The following ETV5 variants were observed in gnomAD, a reference collection of about 807,000 sequenced individuals.
The protein encoded by ETV5 is ETS translocation variant 5.
A neutral mutation model predicts 70.0 loss-of-function variants in ETV5; 10 were observed. The ratio of observed to expected loss-of-function variants is 0.14; its 90% CI spans 0.09 to 0.24. The LOEUF is 0.24. ETV5 is among the 10% of genes least tolerant of loss of function. The pLI, the probability that ETV5 is intolerant of heterozygous loss-of-function variation, is 1.00. For missense variants in ETV5, 453 were observed against 651.2 expected (o/e 0.70, Z 3.31); for synonymous variants, 216 against 242.2 (o/e 0.89, Z 1.01).
intron 5 of ETV5, among the ~76,000 whole-genome samples, chr3:186,094,087 G>C (rs556744692): frequency 7.9e-5 from 12 of 152,336 alleles, no homozygotes; most frequent in African/African-American, 2.9e-4. Flanking sequence ...TACTGGTCTT[G>C]TCCTTTCTTC....
chr3:186,079,292 C>T, intron 7 of ETV5: 1 of 230,528 alleles, frequency 4.3e-6, no homozygotes, highest in Non-Finnish European at 8.5e-6. Flanking sequence ...TAAAAACCAC[C>T]TGCAGTGTAA....
intron 5 of ETV5, among the ~76,000 whole-genome samples, chr3:186,096,041 G>T (rs1714295747): frequency 6.6e-6 from 1 of 152,174 alleles, no homozygotes; most frequent in Non-Finnish European, 1.5e-5. Context: ...GTTTCAATAG[G>T]CATAAAAATG....
At chr3:186,108,430 A>AC (rs1560059233) in intron 1 of ETV5, 2 of 1,044,986 alleles carry the variant, frequency 1.9e-6, no homozygotes, top group Non-Finnish European at 2.6e-6. Flanking sequence ...TTCCTGGTCG[A>AC]CCCCCGCCCC....
rs959086466 is a variant in ETV5, at chr3:186,046,387, C to T, written c.*2252G>A. The stretch of plus-strand genomic sequence containing the variant: ...ATAACGCAGCTTGGCAGGATGCATA[C>T]GGCCCTGCGCAGGGGAAAGTATTTC... On this transcript the variant is annotated 3_prime_UTR_variant, in exon 13 of 13. Transcript: ENST00000306376. 11 of 226,792 alleles carry T rather than the reference C, an allele frequency of 4.9e-5. No individual in the cohort carries two copies. Among genetic ancestry groups the T allele is most frequent in the Middle Eastern group, 1.3e-3 (1 of 764 alleles). The allele number at this position is 226,792 out of a possible 1,614,324, so 14.0% of individuals were successfully genotyped here. A position where few individuals can be genotyped will look rare whatever the true frequency, so the allele number is the denominator to read the frequency against.
chr3:186,099,208 TCTAA>T (rs1363123900), intron 5 of ETV5, among the ~76,000 whole-genome samples: 1 of 152,190 alleles, frequency 6.6e-6, no homozygotes, highest in Non-Finnish European at 1.5e-5. Context: ...ACATACACAC[TCTAA>T]CTAGTGCCGG....
At chr3:186,091,360 T>C (rs1714178929) in intron 5 of ETV5, among the ~76,000 whole-genome samples, 1 of 152,232 alleles carries the variant, frequency 6.6e-6, no homozygotes, top group South Asian at 2.1e-4. Context: ...ATTTGTCATA[T>C]GTCTCGGCAA....
At position 186,054,832 on chromosome 3, in the gene ETV5, C is replaced by T. The variant is rs116813310; in HGVS notation, c.1209+2243G>A. Among the ~76,000 whole-genome samples, 615 of 152,314 alleles carry T rather than the reference C, an allele frequency of 4.0e-3. 2 individuals carry two copies. The highest frequency in any genetic ancestry group is 7.4e-3 in the Non-Finnish European group (501 of 68,016). On this transcript the variant is annotated intron_variant, in intron 11 of 12. Transcript: ENST00000306376. This position sits in a 1 kb window ranked among gnomAD's most constrained non-coding sequence, Gnocchi z 4.4. The stretch of plus-strand genomic sequence containing the variant: ...GGGGTGGGGGGAGCTCAGCAAATGT[C>T]ACCTGTCCTGAGGCTAACGTGCACA...
At chr3:186,098,985 A>T (rs1028496542) in intron 5 of ETV5, among the ~76,000 whole-genome samples, 7 of 152,136 alleles carry the variant, frequency 4.6e-5, no homozygotes, top group African/African-American at 1.7e-4. Flanking sequence ...TGGCCTTTTA[A>T]TAACTAGATC....
chr3:186,051,899 T>C, intron 12 of ETV5, 131 bp downstream of exon 12: 2 of 754,410 alleles, frequency 2.7e-6, no homozygotes, highest in Non-Finnish European at 4.4e-6. Context: ...CTCAAGATTG[T>C]TTCCTACCAC....
intron 5 of ETV5, among the ~76,000 whole-genome samples, chr3:186,100,978 A>G (rs1196704601): frequency 6.6e-6 from 1 of 152,238 alleles, no homozygotes; most frequent in Non-Finnish European, 1.5e-5. Context: ...TTAAGTACCC[A>G]GTCAGTTCAG....
In ETV5 at chr3:186,065,893, C is replaced by G. The variant is rs373036001; in HGVS notation, c.830G>C (p.Gly277Ala). 2 of 1,613,838 alleles carry G rather than the reference C, an allele frequency of 1.2e-6. No homozygotes were observed. Among genetic ancestry groups the G allele is most frequent in the East Asian group, 2.2e-5 (1 of 44,860 alleles). The change falls in exon 8 of 13, where the codon GGC becomes GCC. Residue 277 changes from glycine (G) to alanine (A), a missense_variant. By Grantham distance (60) the Gly-to-Ala change is moderately conservative (BLOSUM62 0). This residue lies in a region of ETV5 where 307 missense variants were observed against 344.9 expected (regional missense o/e 0.89). Transcript: ENST00000306376. ...HDPLYEHGVP[G>A]MPGPPAHGFQ... Reference sequence around the variant, plus strand: ...CCCGTGTGCTGGGGGCCCTGGCATGCCCGGGACCCCATGTTCATAGAGTGG... The same window carrying G: ...CCCGTGTGCTGGGGGCCCTGGCATGGCCGGGACCCCATGTTCATAGAGTGG...
intron 5 of ETV5, among the ~76,000 whole-genome samples, chr3:186,097,956 A>G (rs1021820172): frequency 1.3e-5 from 2 of 152,222 alleles, no homozygotes; most frequent in Non-Finnish European, 2.9e-5. Context: ...TGCTCCATTC[A>G]GGCAAGAGGG....
At chr3:186,097,056 G>T (rs1714322116) in intron 5 of ETV5, among the ~76,000 whole-genome samples, 1 of 152,190 alleles carries the variant, frequency 6.6e-6, no homozygotes, top group Non-Finnish European at 1.5e-5. Context: ...ATGCTATTTT[G>T]AGGCACGTGC....
At chr3:186,086,840 G>A (rs1289122901) in intron 5 of ETV5, among the ~76,000 whole-genome samples, 1 of 151,640 alleles carries the variant, frequency 6.6e-6, no homozygotes, top group Admixed American at 6.6e-5. Flanking sequence ...GGACTGTGGT[G>A]TGCACCTGGG....
At chr3:186,049,833 G>A (rs1332150820) in intron 12 of ETV5, among the ~76,000 whole-genome samples, 2 of 152,104 alleles carry the variant, frequency 1.3e-5, no homozygotes, top group African/African-American at 4.8e-5. Context: ...AAATTAGTTT[G>A]TGTGGGAGAG....
intron 11 of ETV5, among the ~76,000 whole-genome samples, chr3:186,053,264 A>G (rs1162522455): frequency 2.0e-5 from 3 of 151,996 alleles, no homozygotes; most frequent in Non-Finnish European, 2.9e-5. Flanking sequence ...GTCATGCCCA[A>G]CTAATTTTTG....
At chr3:186,050,599 T>C (rs1464831242) in intron 12 of ETV5, among the ~76,000 whole-genome samples, 1 of 152,096 alleles carries the variant, frequency 6.6e-6, no homozygotes, top group Non-Finnish European at 1.5e-5. Context: ...TACAGCTCTG[T>C]GAAACCACTG....
chr3:186,096,303 C>G (rs1454449103), intron 5 of ETV5, among the ~76,000 whole-genome samples: 1 of 152,170 alleles, frequency 6.6e-6, no homozygotes, highest in Non-Finnish European at 1.5e-5. Flanking sequence ...AGGATCCGGC[C>G]TTTACTGTGG....
intron 5 of ETV5, among the ~76,000 whole-genome samples, chr3:186,097,676 G>A (rs1458853834): frequency 6.6e-6 from 1 of 152,178 alleles, no homozygotes; most frequent in African/African-American, 2.4e-5. Flanking sequence ...CAGAATCCCA[G>A]GCCATCAGCC....
Sources: gnomAD v4.1 joint callset for allele counts (sites outside exome capture counted in the v4.1 genomes callset) on GRCh38, gnomAD v4.1.1 for gene constraint, gnomAD v4.1.1 regional missense constraint, Gnocchi (gnomAD v3.1) non-coding constraint, MANE v1.5 for transcripts, NCBI Gene and HGNC (gene_info 2026-07-23, HGNC 2026-07-21) for gene names.